Variants in SHOC1 observed in about 807,000 individuals in gnomAD.
The protein encoded by SHOC1 is protein shortage in chiasmata 1 ortholog.
A neutral mutation model predicts 179.2 loss-of-function variants in SHOC1; 136 were observed. That is an observed-to-expected ratio of 0.76 (90% CI 0.66 to 0.87). SHOC1 has a LOEUF of 0.87. Among genes scored for constraint, SHOC1 ranks in the 40% least tolerant of loss-of-function variants. The pLI is 0.00. For synonymous variants in SHOC1, 489 were observed against 586.6 expected, an observed-to-expected ratio of 0.83 and a Z score of 2.41; for missense variants, 1,538 against 1,700.8, an observed-to-expected ratio of 0.90 and a Z score of 1.68.
intron 18 of SHOC1, among the ~76,000 whole-genome samples, chr9:111,710,579 T>G (rs1832497333): frequency 6.6e-6 from 1 of 152,084 alleles, no homozygotes; most frequent in Non-Finnish European, 1.5e-5. Flanking sequence ...TAGGGTATGA[T>G]CTGAATCCCC....
At chr9:111,714,381 A>G in intron 17 of SHOC1, 64 bp downstream of exon 17, 9 of 1,549,328 alleles carry the variant, frequency 5.8e-6, no homozygotes, top group Non-Finnish European at 7.9e-6. Context: ...AAATGCAAAA[A>G]TGTATCTTAC....
At chr9:111,712,844 A>G (rs1030288687) in intron 18 of SHOC1, among the ~76,000 whole-genome samples, 1 of 152,216 alleles carries the variant, frequency 6.6e-6, no homozygotes, top group African/African-American at 2.4e-5. Flanking sequence ...TTATTTAGCA[A>G]CTAGTAGGCA....
intron 18 of SHOC1, among the ~76,000 whole-genome samples, chr9:111,709,065 G>A (rs1832408437): frequency 1.3e-5 from 2 of 152,208 alleles, no homozygotes; most frequent in African/African-American, 4.8e-5. Flanking sequence ...ATTTGGCTGT[G>A]TGCAGTGGCT....
intron 5 of SHOC1, among the ~76,000 whole-genome samples, chr9:111,761,372 G>A (rs567987435): frequency 1.3e-5 from 2 of 151,982 alleles, no homozygotes; most frequent in Non-Finnish European, 2.9e-5. Flanking sequence ...CTTGGTGGTG[G>A]GGACCTGTAA....
chr9:111,785,946 A>T lies in SHOC1; in HGVS notation c.135T>A (p.Val45=). ...LYQDESYHVA[V]TDNKFRRPWT... Reference sequence around the variant, plus strand: ...ATGGCCTCCTAAATTTATTATCAGTAACTGCTACATGGTAACTTTCATCTT... The same window carrying T: ...ATGGCCTCCTAAATTTATTATCAGTTACTGCTACATGGTAACTTTCATCTT... Residue 45 remains valine, a synonymous_variant, in exon 3 of 28, where the codon GTT becomes GTA. Transcript: ENST00000682961. 2.6e-6 allele frequency: 4 copies of T among 1,512,214 alleles called. No homozygotes were observed. Among genetic ancestry groups the T allele is most frequent in the Non-Finnish European group, 3.5e-6 (4 of 1,131,908 alleles). 93.7% of individuals were successfully genotyped at this position (1,512,214 alleles called of 1,614,324 possible).
At position 111,718,220 on chromosome 9, in the gene SHOC1, C is replaced by T. The variant is rs1290946614; in HGVS notation, c.2200G>A (p.Asp734Asn). 3.1e-6 allele frequency: 5 copies of T among 1,600,534 alleles called. No homozygotes were observed. Among genetic ancestry groups the T allele is most frequent in the African/African-American group, 1.3e-5 (1 of 74,238 alleles). The change falls in exon 16 of 28, where the codon GAT becomes AAT. Residue 734 changes from aspartate (D) to asparagine (N), a missense_variant. Coordinates refer to ENST00000682961, the MANE Select transcript of SHOC1 (RefSeq NM_001378211.1). The part of the protein sequence containing the change: ...ALLHLLVTIR[D>N]VLLTCSLDTA... ...TCCAAGCTGCATGTTAAAAGGACAT[C>T]TCTAATTGTTACCAGAAGATGTAAG...
intron 9 of SHOC1, among the ~76,000 whole-genome samples, chr9:111,747,773 T>C (rs1476239766): frequency 1.3e-5 from 2 of 152,038 alleles, no homozygotes; most frequent in African/African-American, 4.8e-5. Flanking sequence ...TTAGTAGAGA[T>C]GGTGTTTCGT....
At position 111,706,584 on chromosome 9, in the gene SHOC1, T is replaced by C; in HGVS notation, c.2721A>G (p.Pro907=). ...TATTCTTACTTTCTAAAACTGTGTC[T>C]GGAAGAATCACTTTAAAGGCCATGT... ...IPYMAFKVIL[P]DTVLERSTLL... Residue 907 remains proline (P), a synonymous_variant, in exon 20 of 28, where the codon CCA becomes CCG. Coordinates refer to ENST00000682961, the MANE Select transcript of SHOC1 (RefSeq NM_001378211.1). The C allele has an allele frequency of 6.4e-7, 1 of 1,561,210 alleles. No individual in the cohort carries two copies. The highest frequency in any genetic ancestry group is 2.4e-5 in the East Asian group (1 of 42,488).
intron 24 of SHOC1, among the ~76,000 whole-genome samples, chr9:111,696,418 A>G (rs1411874541): frequency 3.3e-5 from 5 of 152,200 alleles, no homozygotes; most frequent in South Asian, 4.1e-4. Context: ...TAATACAACA[A>G]TGTCATCAAG....
At chr9:111,714,014 A>G (rs539976285) in intron 17 of SHOC1, among the ~76,000 whole-genome samples, 2 of 152,172 alleles carry the variant, frequency 1.3e-5, no homozygotes, top group East Asian at 3.9e-4. Context: ...ATAAAAATTA[A>G]AGTTTGTTTA....
intron 27 of SHOC1, among the ~76,000 whole-genome samples, chr9:111,688,881 G>A (rs1831298982): frequency 6.6e-6 from 1 of 152,016 alleles, no homozygotes; most frequent in Non-Finnish European, 1.5e-5. Flanking sequence ...GAGCCCTGAT[G>A]AATGATAGGT....
At chr9:111,708,104 A>G (rs17340375) in intron 18 of SHOC1, among the ~76,000 whole-genome samples, 180 bp from the exon 19 acceptor site, 2,010 of 152,176 alleles carry the variant, frequency 0.013, 55 homozygotes, top group African/African-American at 0.046. Flanking sequence ...ACCATAACCA[A>G]TATTTCTCTT....
At chr9:111,793,182 TGTC>T (rs1452307756) in intron 1 of SHOC1, among the ~76,000 whole-genome samples, 2 of 152,146 alleles carry the variant, frequency 1.3e-5, no homozygotes, top group Non-Finnish European at 2.9e-5. Context: ...GCGCCCGGCC[TGTC>T]ACTGATCTTT....
At chr9:111,694,477 TTTAGA>T (rs1831601017) in intron 24 of SHOC1, 115 bp from the exon 25 acceptor site, 2 of 698,564 alleles carry the variant, frequency 2.9e-6, no homozygotes, top group African/African-American at 1.8e-5. Flanking sequence ...TCTATCTAAT[TTTAGA>T]TAGAAACTAT....
intron 6 of SHOC1, among the ~76,000 whole-genome samples, chr9:111,758,425 G>A (rs569854952): frequency 7.2e-5 from 11 of 152,290 alleles, no homozygotes; most frequent in Admixed American, 3.3e-4. Flanking sequence ...GTGAAACCAT[G>A]TCTCTACTAA....
rs183478604 is a variant in SHOC1 at position 111,773,499 on chromosome 9, A to G, written c.442+2292T>C. Reference sequence around the variant, plus strand: ...AGCTAATTTTGTATTTTTGGTAGAGACAGGGTTTCACCACGTTGGCCAGGC... The same window carrying G: ...AGCTAATTTTGTATTTTTGGTAGAGGCAGGGTTTCACCACGTTGGCCAGGC... On this transcript the variant is annotated intron_variant, in intron 5 of 27. Coordinates refer to ENST00000682961, the MANE Select transcript of SHOC1 (RefSeq NM_001378211.1). Among the ~76,000 whole-genome samples the G allele has an allele frequency of 3.0e-3, 454 of 152,202 alleles. 1 individual carries two copies. The highest frequency in any genetic ancestry group is 0.014 in the Middle Eastern group (4 of 294).
At chr9:111,689,209 G>C (rs1240015878) in intron 27 of SHOC1, among the ~76,000 whole-genome samples, 1 of 151,650 alleles carries the variant, frequency 6.6e-6, no homozygotes, top group Non-Finnish European at 1.5e-5. Context: ...AACATGGCAA[G>C]ACTTTGCCTC....
At position 111,784,720 on chromosome 9, in the gene SHOC1, T is replaced by C. The variant is rs113743450; in HGVS notation, c.169+1192A>G. On this transcript the variant is annotated intron_variant, in intron 3 of 27. Transcript: ENST00000682961. ...AACAAACATTCATTTCTCATAGCTT[T>C]GGAGGCTGGGAGGTCCAAGATTAAG... 6.8e-3 allele frequency among the ~76,000 whole-genome samples: 1,039 copies of C among 152,324 alleles called. 9 individuals carry two copies. The highest frequency in any genetic ancestry group is 0.012 in the Admixed American group (181 of 15,290).
rs757510753 is a variant in SHOC1 at position 111,722,552 on chromosome 9, G to T, written c.1988C>A (p.Ala663Glu). The T allele has an allele frequency of 6.2e-7, 1 of 1,605,406 alleles. No homozygotes were observed. The change falls in exon 15 of 28, where the codon GCA becomes GAA. Residue 663 changes from alanine to glutamate, a missense_variant. Coordinates refer to ENST00000682961, the MANE Select transcript of SHOC1 (RefSeq NM_001378211.1). ...GTTTTTTAAGATAGGAGAAGCTGCT[G>T]CTTCGAGGAGGCAAAATGCTTGGCA... is the stretch of plus-strand genomic sequence containing the variant. The part of the protein sequence containing the change: ...SQCQAFCLLE[A>E]AASPILKNLV...
Sources: allele counts gnomAD v4.1 joint callset (sites outside exome capture counted in the v4.1 genomes callset), GRCh38; gene constraint gnomAD v4.1.1; transcripts MANE v1.5; gene names NCBI Gene and HGNC (gene_info 2026-07-23, HGNC 2026-07-21).